The following SLC24A3 variants were observed in gnomAD, a reference collection of about 807,000 sequenced individuals.
The protein encoded by SLC24A3 is sodium/potassium/calcium exchanger 3.
SLC24A3 carries 28 observed loss-of-function variants against 75.8 expected under a neutral mutation model. The ratio of observed to expected loss-of-function variants is 0.37; its 90% CI spans 0.27 to 0.51. The LOEUF (loss-of-function observed/expected upper bound fraction) is 0.51. SLC24A3 is among the 20% of genes least tolerant of loss of function. The pLI is 0.94. For synonymous variants in SLC24A3, 372 were observed against 334.1 expected (o/e 1.11, Z -1.24); for missense variants, 663 against 847.8 (o/e 0.78, Z 2.71).
chr20:19,267,999 A>G (rs910746126), intron 1 of SLC24A3, among the ~76,000 whole-genome samples: 2 of 152,212 alleles, frequency 1.3e-5, no homozygotes, highest in African/African-American at 4.8e-5. Context: ...ATCAATGGAC[A>G]TGTGCATGGT....
chr20:19,660,521 C>G (rs964350106), intron 7 of SLC24A3, among the ~76,000 whole-genome samples: 2 of 152,132 alleles, frequency 1.3e-5, no homozygotes, highest in African/African-American at 4.8e-5. Flanking sequence ...ACCATATTTT[C>G]CTTATCCACT....
At chr20:19,268,993 G>T (rs906916889) in intron 1 of SLC24A3, among the ~76,000 whole-genome samples, 3 of 152,192 alleles carry the variant, frequency 2.0e-5, no homozygotes, top group Non-Finnish European at 4.4e-5. Context: ...TCTTGCCACT[G>T]CAGTCTTCTG....
chr20:19,720,418 T>C (rs746152033), intron 16 of SLC24A3, among the ~76,000 whole-genome samples: 1 of 152,126 alleles, frequency 6.6e-6, no homozygotes, highest in Non-Finnish European at 1.5e-5. Context: ...TGGCCGGGGT[T>C]ACATCGTTGG....
intron 3 of SLC24A3, among the ~76,000 whole-genome samples, chr20:19,570,555 GCATTTT>G (rs2031036225): frequency 6.6e-6 from 1 of 152,090 alleles, no homozygotes; most frequent in Non-Finnish European, 1.5e-5. Context: ...CATTTTATCT[GCATTTT>G]CTGGTGACTC....
chr20:19,665,601 G>A (rs2032389331), intron 7 of SLC24A3, among the ~76,000 whole-genome samples: 1 of 152,174 alleles, frequency 6.6e-6, no homozygotes, highest in South Asian at 2.1e-4. Context: ...GCAGGAAGAA[G>A]GGAATTACCT....
In SLC24A3 at chr20:19,397,686, T is replaced by G. The variant is rs1388576180; in HGVS notation, c.271+116599T>G. Among the ~76,000 whole-genome samples, 10 of 132,884 alleles carry G rather than the reference T, an allele frequency of 7.5e-5. No individual in the cohort carries two copies. The Admixed American group carries it at 8.7e-4, about 12-fold the overall frequency. 87.2% of individuals were successfully genotyped at this position (132,884 alleles called of 152,430 possible). Reference sequence around the variant, plus strand: ...TTTTTTTGAGTGGTAATTAAACAGATAAAGAAAACAAGGTAAAGATTCTAA... The same window carrying G: ...TTTTTTTGAGTGGTAATTAAACAGAGAAAGAAAACAAGGTAAAGATTCTAA... On this transcript the variant is annotated intron_variant, in intron 2 of 16. Coordinates refer to ENST00000328041, the MANE Select transcript of SLC24A3 (RefSeq NM_020689.4).
At chr20:19,624,379 C>CAAA (rs1055689715) in intron 6 of SLC24A3, among the ~76,000 whole-genome samples, 5 of 152,120 alleles carry the variant, frequency 3.3e-5, no homozygotes, top group Non-Finnish European at 1.5e-5. Context: ...GTGGCAGTAT[C>CAAA]AAAATAAAGT....
intron 1 of SLC24A3, among the ~76,000 whole-genome samples, chr20:19,265,512 A>C (rs964973482): frequency 6.6e-6 from 1 of 152,146 alleles, no homozygotes. Context: ...CAGACTTTAC[A>C]TGGGATGGGA....
chr20:19,307,213 G>A (rs1984353765), intron 2 of SLC24A3, among the ~76,000 whole-genome samples: 1 of 152,202 alleles, frequency 6.6e-6, no homozygotes, highest in Admixed American at 6.5e-5. Context: ...TTATCATGAA[G>A]AGTAAATGAG....
chr20:19,489,625 A>G (rs1016327012), intron 2 of SLC24A3, among the ~76,000 whole-genome samples: 1 of 152,154 alleles, frequency 6.6e-6, no homozygotes, highest in Non-Finnish European at 1.5e-5. Flanking sequence ...ATTCCAGTAT[A>G]TGACCAGCCA....
At chr20:19,253,102 A>G (rs1434782054) in intron 1 of SLC24A3, among the ~76,000 whole-genome samples, 1 of 152,180 alleles carries the variant, frequency 6.6e-6, no homozygotes, top group Non-Finnish European at 1.5e-5. Context: ...GGATGGTATC[A>G]TTTATAGAAG....
At chr20:19,366,739 G>T (rs1381783714) in intron 2 of SLC24A3, among the ~76,000 whole-genome samples, 1 of 152,010 alleles carries the variant, frequency 6.6e-6, no homozygotes, top group Non-Finnish European at 1.5e-5. Flanking sequence ...CTGACAATTG[G>T]GCCCCATATT....
intron 2 of SLC24A3, among the ~76,000 whole-genome samples, chr20:19,315,219 C>A (rs762657590): frequency 6.6e-6 from 1 of 152,284 alleles, no homozygotes; most frequent in Non-Finnish European, 1.5e-5. Context: ...CTGGGCAGAC[C>A]TGATTTCCCT....
chr20:19,662,579 C>T (rs1356285541), intron 7 of SLC24A3, among the ~76,000 whole-genome samples: 1 of 152,252 alleles, frequency 6.6e-6, no homozygotes, highest in East Asian at 1.9e-4. Context: ...AACGTGAGCA[C>T]CACTTAGTGG....
intron 2 of SLC24A3, among the ~76,000 whole-genome samples, chr20:19,380,824 A>G (rs990907701): frequency 6.6e-6 from 1 of 152,216 alleles, no homozygotes; most frequent in African/African-American, 2.4e-5. Context: ...TGAAGTTCCT[A>G]TTTCATAAAT....
At chr20:19,517,666 G>A (rs6081625) in intron 3 of SLC24A3, among the ~76,000 whole-genome samples, 17,036 of 152,186 alleles carry the variant, frequency 0.11, 1,124 homozygotes, top group East Asian at 0.31. Context: ...CATGGACCAA[G>A]GCCAGTGCCC....
intron 2 of SLC24A3, among the ~76,000 whole-genome samples, chr20:19,478,830 C>G (rs1047639440): frequency 5.9e-5 from 9 of 152,246 alleles, no homozygotes; most frequent in Non-Finnish European, 1.3e-4. Context: ...CAGGAGTTGT[C>G]TCAAGTTCAT....
intron 2 of SLC24A3, among the ~76,000 whole-genome samples, chr20:19,317,924 T>C (rs184848331): frequency 1.4e-3 from 215 of 152,354 alleles, no homozygotes; most frequent in African/African-American, 5.0e-3. Flanking sequence ...TCTTACCACA[T>C]TGGTGCACAC....
intron 3 of SLC24A3, among the ~76,000 whole-genome samples, chr20:19,529,599 A>G (rs572007059): frequency 4.6e-5 from 7 of 152,286 alleles, no homozygotes; most frequent in African/African-American, 1.4e-4. Flanking sequence ...AGAAACATAC[A>G]TGAGGATCAA....
Sources: allele counts gnomAD v4.1 joint callset (sites outside exome capture counted in the v4.1 genomes callset), GRCh38; gene constraint gnomAD v4.1.1; transcripts MANE v1.5; gene names NCBI Gene and HGNC (gene_info 2026-07-23, HGNC 2026-07-21).